Variants in WWOX observed in about 807,000 individuals in gnomAD.
WWOX encodes WW domain-containing oxidoreductase.
In WWOX, 69 loss-of-function variants were observed where a neutral mutation model predicts 46.2. The ratio of observed to expected loss-of-function variants is 1.49; its 90% CI spans 1.23 to 1.82. WWOX has a LOEUF of 1.82. Among genes scored for constraint, WWOX ranks in the 40% most tolerant of loss-of-function variants. The pLI is 0.00. For missense variants in WWOX, 919 were observed against 542.6 expected (o/e 1.69, Z -6.89); for synonymous variants, 359 against 202.6 (o/e 1.77, Z -6.56).
At chr16:78,721,577 T>C (rs1034454773) in intron 8 of WWOX, among the ~76,000 whole-genome samples, 1 of 152,214 alleles carries the variant, frequency 6.6e-6, no homozygotes, top group Non-Finnish European at 1.5e-5. Flanking sequence ...TAGGGCAGCC[T>C]GAACCACTTG....
chr16:78,276,813 C>A (rs1000354812), intron 5 of WWOX, among the ~76,000 whole-genome samples: 9 of 152,144 alleles, frequency 5.9e-5, no homozygotes, highest in Non-Finnish European at 1.3e-4. Flanking sequence ...TTTAGGGAGG[C>A]TTTTATGAAC....
At chr16:79,033,276 A>G (rs1276033333) in intron 8 of WWOX, among the ~76,000 whole-genome samples, 10 of 147,974 alleles carry the variant, frequency 6.8e-5, no homozygotes, top group Non-Finnish European at 8.9e-5. Flanking sequence ...CCCCCACCAA[A>G]TATTTATATA....
intron 8 of WWOX, among the ~76,000 whole-genome samples, chr16:78,592,856 G>C (rs1166000577): frequency 1.3e-5 from 2 of 152,062 alleles, no homozygotes; most frequent in Non-Finnish European, 2.9e-5. Flanking sequence ...ATGATAACTC[G>C]CTGCCCAGAA....
At chr16:78,590,156 CTCTCTCTGTT>C (rs1487153562) in intron 8 of WWOX, among the ~76,000 whole-genome samples, 4 of 151,882 alleles carry the variant, frequency 2.6e-5, no homozygotes, top group African/African-American at 9.7e-5. Flanking sequence ...GTCTCTCTCT[CTCTCTCTGTT>C]TATTATAGAT....
chr16:78,211,300 A>G (rs1205212289), intron 5 of WWOX, among the ~76,000 whole-genome samples: 1 of 152,192 alleles, frequency 6.6e-6, no homozygotes, highest in East Asian at 1.9e-4. Flanking sequence ...ACACGTCACA[A>G]GGAGTCCAGA....
At chr16:79,082,030 G>T (rs1260901507) in intron 8 of WWOX, among the ~76,000 whole-genome samples, 1 of 152,142 alleles carries the variant, frequency 6.6e-6, no homozygotes, top group African/African-American at 2.4e-5. Context: ...CAGGAGTGTG[G>T]TTTATGTCAA....
intron 8 of WWOX, among the ~76,000 whole-genome samples, chr16:78,647,847 G>C (rs1017052240): frequency 1.3e-5 from 2 of 152,114 alleles, no homozygotes; most frequent in Non-Finnish European, 2.9e-5. Flanking sequence ...TTCTGGCTTT[G>C]GGGGATCCCA....
intron 8 of WWOX, among the ~76,000 whole-genome samples, chr16:78,743,658 A>G (rs2049282505): frequency 6.6e-6 from 1 of 152,108 alleles, no homozygotes; most frequent in Non-Finnish European, 1.5e-5. Flanking sequence ...AATTGAAAGT[A>G]CCCCTGATTG....
In WWOX at chr16:78,424,940, G is replaced by T; in HGVS notation, c.676G>T (p.Glu226Ter). The change falls in exon 7 of 9, where the codon GAG becomes TAG. Residue 226 changes from glutamate to a stop codon, truncating the protein, a stop_gained. Coordinates refer to ENST00000566780, the MANE Select transcript of WWOX (RefSeq NM_016373.4). LOFTEE classifies it high-confidence loss of function. ...CTGGAGTCTCACCAAAGATGGCCTG[G>T]AGACCACCTTTCAAGTGAATCATCT... The part of the protein sequence containing the change: ...LPWSLTKDGL[E>*]TTFQVNHLGH... 6.2e-7 allele frequency: 1 copy of T among 1,614,128 alleles called. No individual in the cohort carries two copies. Among genetic ancestry groups the T allele is most frequent in the Non-Finnish European group, 8.5e-7 (1 of 1,180,036 alleles).
At position 78,974,372 on chromosome 16, in the gene WWOX, C is replaced by T. The variant is rs561216778; in HGVS notation, c.1057-237236C>T. 7.2e-5 allele frequency among the ~76,000 whole-genome samples: 11 copies of T among 152,132 alleles called. No homozygotes were observed. The East Asian group carries it at 7.7e-4, about 11-fold the overall frequency. On this transcript the variant is annotated intron_variant, in intron 8 of 8. Coordinates refer to ENST00000566780, the MANE Select transcript of WWOX (RefSeq NM_016373.4). ...CAATAAACATCTTAATTGAACAGTA[C>T]GTGGGTTCTTCCCTAGTACCTGCCT... is the stretch of plus-strand genomic sequence containing the variant.
intron 8 of WWOX, among the ~76,000 whole-genome samples, chr16:79,096,952 A>C (rs549989852): frequency 6.6e-6 from 1 of 151,830 alleles, no homozygotes; most frequent in Non-Finnish European, 1.5e-5. Flanking sequence ...CATATTGGGG[A>C]GGGGGCCAGG....
Position 79,058,666 on chromosome 16 carries a change from T to C in WWOX, c.1057-152942T>C, listed in dbSNP as rs1013770770. ...TTGGATATGTGATTTATATAATCAA[T>C]CAACTAGTCCTTATTTTGGTAGAGC... On this transcript the variant is annotated intron_variant, in intron 8 of 8. Transcript: ENST00000566780. Among the ~76,000 whole-genome samples, 7 of 152,212 alleles carry C rather than the reference T, an allele frequency of 4.6e-5. 1 individual carries two copies. Among genetic ancestry groups the C allele is most frequent in the Non-Finnish European group, 1.0e-4 (7 of 68,030 alleles).
intron 8 of WWOX, among the ~76,000 whole-genome samples, chr16:79,182,451 T>C (rs755760808): frequency 3.9e-5 from 6 of 152,204 alleles, no homozygotes; most frequent in African/African-American, 1.2e-4. Context: ...CATCTTTGTT[T>C]ATGGGCTTTT....
chr16:78,804,511 G>T (rs886197867), intron 8 of WWOX, among the ~76,000 whole-genome samples: 12 of 152,152 alleles, frequency 7.9e-5, no homozygotes, highest in African/African-American at 2.7e-4. Flanking sequence ...CATGCGAAGC[G>T]CATATGTTCT....
At chr16:79,166,264 A>C (rs552422384) in intron 8 of WWOX, among the ~76,000 whole-genome samples, 30 of 152,132 alleles carry the variant, frequency 2.0e-4, no homozygotes, top group African/African-American at 6.7e-4. Context: ...CTCACTCCCA[A>C]CTCAGCAACC....
intron 8 of WWOX, among the ~76,000 whole-genome samples, chr16:78,975,953 C>G (rs191486564): frequency 6.6e-6 from 1 of 152,202 alleles, no homozygotes; most frequent in Non-Finnish European, 1.5e-5. Context: ...CCCCTGATAC[C>G]CTCCTGCCTT....
At chr16:78,707,134 T>A (rs2048343472) in intron 8 of WWOX, among the ~76,000 whole-genome samples, 1 of 152,368 alleles carries the variant, frequency 6.6e-6, no homozygotes, top group African/African-American at 2.4e-5. Flanking sequence ...GTGTTGATTC[T>A]GATCACTCAA....
intron 8 of WWOX, among the ~76,000 whole-genome samples, chr16:78,639,294 C>G (rs2046647811): frequency 6.6e-6 from 1 of 152,182 alleles, no homozygotes; most frequent in Non-Finnish European, 1.5e-5. Flanking sequence ...GGGAAGCAAC[C>G]CAAGCTGGGT....
chr16:78,576,762 T>C (rs2044891343), intron 8 of WWOX, among the ~76,000 whole-genome samples: 1 of 152,148 alleles, frequency 6.6e-6, no homozygotes, highest in African/African-American at 2.4e-5. Context: ...GCCCAGAAGA[T>C]TCAGACTGCA....
Sources: gnomAD v4.1 joint callset for allele counts (sites outside exome capture counted in the v4.1 genomes callset) on GRCh38, gnomAD v4.1.1 for gene constraint, MANE v1.5 for transcripts, NCBI Gene and HGNC (gene_info 2026-07-23, HGNC 2026-07-21) for gene names.